Variants in INTS8 observed in about 807,000 individuals in gnomAD.
INTS8 encodes protein kaonashi-1.
In INTS8, 47 loss-of-function variants were observed where a neutral mutation model predicts 138.9. The ratio of observed to expected loss-of-function variants is 0.34; its 90% confidence interval spans 0.27 to 0.43. INTS8 has a LOEUF of 0.43. Ranked by LOEUF, INTS8 falls within the 20% of genes least tolerant of loss-of-function variation. The pLI, the probability that INTS8 is intolerant of heterozygous loss-of-function variation, is 1.00. For synonymous variants in INTS8, 392 were observed against 400.9 expected (o/e 0.98, Z 0.27); for missense variants, 996 against 1,173.0 (o/e 0.85, Z 2.20).
At chr8:94,861,647 G>A (rs1013985694) in intron 16 of INTS8, among the ~76,000 whole-genome samples, 3 of 151,336 alleles carry the variant, frequency 2.0e-5, no homozygotes, top group Admixed American at 2.0e-4. Context: ...CTGCCTCCCA[G>A]ATTCAAGCAA....
In INTS8 at chr8:94,849,503, T is replaced by G; in HGVS notation, c.1302T>G (p.Ser434=). 6.4e-7 allele frequency: 1 copy of G among 1,572,232 alleles called. No homozygotes were observed. Among genetic ancestry groups the G allele is most frequent in the African/African-American group, 1.4e-5 (1 of 73,040 alleles). ...TAAATTTAGAAAAAGCTTCAGAGTC[T>G]TTGAAAGGAAACATGGCTGCTTTTC... is the stretch of plus-strand genomic sequence containing the variant. ...RSVNLEKASE[S]LKGNMAAFLK... The change falls in exon 11 of 27, where the codon TCT becomes TCG. Residue 434 remains serine (S), a synonymous_variant. Transcript: ENST00000523731.
At chr8:94,849,601 T>G in intron 11 of INTS8, 69 bp downstream of exon 11, 1 of 931,316 alleles carries the variant, frequency 1.1e-6, no homozygotes, top group Non-Finnish European at 1.7e-6. Flanking sequence ...ACAAAATATC[T>G]GTATTATCTT....
intron 11 of INTS8, among the ~76,000 whole-genome samples, 191 bp downstream of exon 11, chr8:94,849,723 T>C (rs1356901807): frequency 1.1e-4 from 16 of 152,108 alleles, no homozygotes; most frequent in Non-Finnish European, 1.2e-4. Context: ...TTACCTTTTT[T>C]TAATATTGTG....
chr8:94,856,669 G>A (rs1815756962), intron 14 of INTS8, 108 bp from the exon 15 acceptor site: 4 of 882,748 alleles, frequency 4.5e-6, no homozygotes, highest in South Asian at 3.0e-5. Context: ...GAAAAGCAAC[G>A]TTAACCATTT....
In INTS8 at chr8:94,872,087, A is replaced by G. The variant is rs1039994457; in HGVS notation, c.2533+85A>G. The G allele has an allele frequency of 1.5e-4, 100 of 658,284 alleles. 1 individual carries two copies. In the South Asian group the frequency reaches 1.8e-3, roughly 12 times the overall value. The allele number at this position is 658,284 out of a possible 1,614,324, so 40.8% of individuals were successfully genotyped here. ...TAAATATATAACCTATTTTATTTCA[A>G]TACTTAAGTTTTGTTGAGATTTACT... On this transcript the variant is annotated intron_variant, in intron 21 of 26. Coordinates refer to ENST00000523731, the MANE Select transcript of INTS8 (RefSeq NM_017864.4).
At chr8:94,850,242 C>T (rs1170382516) in intron 12 of INTS8, 151 bp downstream of exon 12, 8 of 596,852 alleles carry the variant, frequency 1.3e-5, no homozygotes, top group Non-Finnish European at 2.3e-5. Flanking sequence ...TATCAGATTT[C>T]TGTATAAGCA....
chr8:94,864,402 G>A (rs1816102236), intron 16 of INTS8, among the ~76,000 whole-genome samples: 1 of 152,124 alleles, frequency 6.6e-6, no homozygotes, highest in South Asian at 2.1e-4. Context: ...ATGAACAAGG[G>A]TAAAGGGGCC....
At chr8:94,846,270 G>T (rs187360636) in intron 10 of INTS8, among the ~76,000 whole-genome samples, 1,959 of 151,888 alleles carry the variant, frequency 0.013, 24 homozygotes, top group Non-Finnish European at 0.018. Context: ...TTTTATTTTT[G>T]ATTTATTTTT....
At chr8:94,872,160 G>C in intron 21 of INTS8, among the ~76,000 whole-genome samples, 158 bp downstream of exon 21, 1 of 151,916 alleles carries the variant, frequency 6.6e-6, no homozygotes, top group East Asian at 1.9e-4. Context: ...CTTTTTTTTA[G>C]TGTAGAGCCT....
chr8:94,862,701 G>A (rs1228108847), intron 16 of INTS8, among the ~76,000 whole-genome samples: 1 of 152,140 alleles, frequency 6.6e-6, no homozygotes, highest in Admixed American at 6.5e-5. Context: ...TTAGGGTTTT[G>A]TGTGCCACCT....
At chr8:94,854,824 T>C (rs1815685365) in intron 14 of INTS8, among the ~76,000 whole-genome samples, 1 of 151,978 alleles carries the variant, frequency 6.6e-6, no homozygotes, top group Non-Finnish European at 1.5e-5. Flanking sequence ...CTCGACTTCC[T>C]GGGCTCAAGC....
At chr8:94,840,991 C>T (rs1815114950) in intron 8 of INTS8, among the ~76,000 whole-genome samples, 1 of 151,108 alleles carries the variant, frequency 6.6e-6, no homozygotes, top group Non-Finnish European at 1.5e-5. Context: ...CAGCTCAAAG[C>T]AACCTCCGCC....
At chr8:94,853,655 GTTATA>G in intron 13 of INTS8, 145 bp from the exon 14 acceptor site, 1 of 522,384 alleles carries the variant, frequency 1.9e-6, no homozygotes, top group Middle Eastern at 5.2e-4. Context: ...TTTCGTTAGT[GTTATA>G]TTATGGCTGT....
chr8:94,838,026 G>C (rs1814994148), intron 7 of INTS8, among the ~76,000 whole-genome samples: 1 of 148,492 alleles, frequency 6.7e-6, no homozygotes, highest in African/African-American at 2.5e-5. Flanking sequence ...GATTCTTCCA[G>C]TTTTAAATTT....
chr8:94,880,921 G>GC lies in INTS8; in HGVS notation c.*689dup. 2.5e-6 allele frequency: 1 copy of GC among 398,734 alleles called. No individual in the cohort carries two copies. The highest frequency in any genetic ancestry group is 3.6e-5 in the East Asian group (1 of 27,996). 24.7% of individuals were successfully genotyped at this position (398,734 alleles called of 1,614,324 possible). A position where few individuals can be genotyped will look rare whatever the true frequency, so the allele number is the denominator to read the frequency against. ...TCAAGAAAGCCCCAGTTAGGAAGGA[G>GC]CCACAGCATTTATCTTGTTTATAAT... On this transcript the variant is annotated 3_prime_UTR_variant, in exon 27 of 27. Coordinates refer to ENST00000523731, the MANE Select transcript of INTS8 (RefSeq NM_017864.4).
At chr8:94,860,604 AC>A (rs1563662599) in intron 16 of INTS8, among the ~76,000 whole-genome samples, 5 of 148,060 alleles carry the variant, frequency 3.4e-5, no homozygotes, top group African/African-American at 1.0e-4. Context: ...AAAAAAAAAA[AC>A]CCAAAAAACA....
At chr8:94,844,973 C>G (rs539195255) in intron 10 of INTS8, among the ~76,000 whole-genome samples, 1 of 151,538 alleles carries the variant, frequency 6.6e-6, no homozygotes, top group Non-Finnish European at 1.5e-5. Flanking sequence ...AGGCTGGGCT[C>G]GAACTGTTGA....
chr8:94,831,161 T>C (rs1019892425), intron 5 of INTS8, among the ~76,000 whole-genome samples: 2 of 151,748 alleles, frequency 1.3e-5, no homozygotes, highest in Non-Finnish European at 1.5e-5. Context: ...TCACCCAGGC[T>C]GGAGTGCAGT....
Position 94,823,313 on chromosome 8 carries a change from G to T in INTS8, c.-119G>T, listed in dbSNP as rs1031833998. 3.3e-6 allele frequency: 5 copies of T among 1,521,814 alleles called. No individual in the cohort carries two copies. The highest frequency in any genetic ancestry group is 4.4e-6 in the Non-Finnish European group (5 of 1,139,272). 94.3% of individuals were successfully genotyped at this position (1,521,814 alleles called of 1,614,324 possible). On this transcript the variant is annotated 5_prime_UTR_variant, in exon 1 of 27. Coordinates refer to ENST00000523731, the MANE Select transcript of INTS8 (RefSeq NM_017864.4). The stretch of plus-strand genomic sequence containing the variant: ...CCATTTTGGATTGTGTGAGTTTCCG[G>T]GACGTTCGGAGGGTGGCCTCTCTCC...
Sources: allele counts gnomAD v4.1 joint callset (sites outside exome capture counted in the v4.1 genomes callset), GRCh38; gene constraint gnomAD v4.1.1; transcripts MANE v1.5; gene names NCBI Gene and HGNC (gene_info 2026-07-23, HGNC 2026-07-21).